Variants in CSMD1 observed in about 807,000 individuals in gnomAD.
The protein encoded by CSMD1 is CUB and sushi domain-containing protein 1.
CSMD1 carries 213 observed loss-of-function variants against 417.5 expected under a neutral mutation model. The observed-to-expected ratio is 0.51, with a 90% CI of 0.46 to 0.57. The LOEUF is 0.57. Ranked by LOEUF, CSMD1 falls within the 20% of genes least tolerant of loss-of-function variation. CSMD1 has a pLI of 0.00. For missense variants in CSMD1, 6,923 were observed against 4,529.7 expected (o/e 1.53, Z -15.17); for synonymous variants, 2,862 against 1,736.8 (o/e 1.65, Z -16.11).
intron 1 of CSMD1, among the ~76,000 whole-genome samples, chr8:4,902,785 C>T (rs1048135565): frequency 6.6e-6 from 1 of 151,990 alleles, no homozygotes; most frequent in African/African-American, 2.4e-5. Flanking sequence ...AGGCAGTAAA[C>T]ACAGTTACCA....
chr8:3,179,960 T>C (rs1195277246), intron 37 of CSMD1, among the ~76,000 whole-genome samples: 1 of 152,220 alleles, frequency 6.6e-6, no homozygotes. Flanking sequence ...TTAGAATATT[T>C]ATCATCAGCT....
chr8:3,990,628 G>C (rs77643445), intron 5 of CSMD1, among the ~76,000 whole-genome samples: 8,464 of 152,136 alleles, frequency 0.056, 377 homozygotes, highest in Admixed American at 0.11. Flanking sequence ...TGAAACTCTG[G>C]TATTTACTTA....
chr8:3,947,727 G>A (rs1811330779), intron 5 of CSMD1, among the ~76,000 whole-genome samples: 1 of 151,936 alleles, frequency 6.6e-6, no homozygotes, highest in Non-Finnish European at 1.5e-5. Flanking sequence ...TTTTTTAACG[G>A]CACAGAATAT....
chr8:3,285,701 G>A (rs993267131), intron 25 of CSMD1, among the ~76,000 whole-genome samples: 2 of 151,772 alleles, frequency 1.3e-5, no homozygotes, highest in Non-Finnish European at 2.9e-5. Context: ...GCCCAGACCA[G>A]AACTTTTTAT....
intron 2 of CSMD1, among the ~76,000 whole-genome samples, chr8:4,632,359 A>G (rs935622329): frequency 1.0e-4 from 15 of 150,492 alleles, no homozygotes; most frequent in Non-Finnish European, 2.1e-4. Context: ...CTAAAAATAA[A>G]AAAATTAGCC....
chr8:3,875,815 G>T (rs1292395850), intron 5 of CSMD1, among the ~76,000 whole-genome samples: 44 of 152,286 alleles, frequency 2.9e-4, no homozygotes, highest in Non-Finnish European at 4.4e-5. Context: ...ACAGCTGAGA[G>T]CTTGAGGGAA....
At chr8:3,712,442 CAG>C (rs59274858) in intron 6 of CSMD1, among the ~76,000 whole-genome samples, 2 of 79,906 alleles carry the variant, frequency 2.5e-5, no homozygotes, top group African/African-American at 7.1e-5. Flanking sequence ...GACAGACAGA[CAG>C]AGAGAGAGAG....
intron 3 of CSMD1, among the ~76,000 whole-genome samples, chr8:4,303,843 G>C (rs191766960): frequency 1.7e-3 from 257 of 152,096 alleles, no homozygotes; most frequent in Middle Eastern, 3.4e-3. Context: ...TTTTAGTAGA[G>C]ACAGGGTTTC....
chr8:4,811,512 A>T (rs1209528790), intron 1 of CSMD1, among the ~76,000 whole-genome samples: 2 of 152,164 alleles, frequency 1.3e-5, no homozygotes, highest in Non-Finnish European at 2.9e-5. Flanking sequence ...GTGGCAATGT[A>T]TTGCTGCCAT....
intron 3 of CSMD1, among the ~76,000 whole-genome samples, chr8:4,334,280 T>A (rs1010513407): frequency 4.6e-5 from 7 of 152,108 alleles, no homozygotes; most frequent in African/African-American, 1.7e-4. Flanking sequence ...CTTACACGTG[T>A]TTGGTCAAAC....
intron 50 of CSMD1, among the ~76,000 whole-genome samples, chr8:3,049,346 C>G (rs11986000): frequency 0.3 from 45,360 of 151,960 alleles, 6,953 homozygotes; most frequent in East Asian, 0.36. Flanking sequence ...GTTGTCTGTA[C>G]GTAAACGGGT....
chr8:4,340,564 C>G (rs1242936499), intron 3 of CSMD1, among the ~76,000 whole-genome samples: 1 of 152,074 alleles, frequency 6.6e-6, no homozygotes, highest in Non-Finnish European at 1.5e-5. Context: ...AAGGGCAATT[C>G]AGGGACAAAA....
At chr8:4,533,669 A>C (rs1467452296) in intron 2 of CSMD1, among the ~76,000 whole-genome samples, 3 of 152,176 alleles carry the variant, frequency 2.0e-5, no homozygotes, top group African/African-American at 7.2e-5. Flanking sequence ...TGCAAACTGA[A>C]GATTTTTAAA....
chr8:4,793,572 T>C (rs1337195790), intron 1 of CSMD1, among the ~76,000 whole-genome samples: 2 of 151,978 alleles, frequency 1.3e-5, no homozygotes, highest in African/African-American at 2.4e-5. Context: ...CATTTACTGA[T>C]ACAAACTTTT....
At chr8:3,904,056 C>T (rs1341033041) in intron 5 of CSMD1, among the ~76,000 whole-genome samples, 1 of 152,098 alleles carries the variant, frequency 6.6e-6, no homozygotes, top group Non-Finnish European at 1.5e-5. Flanking sequence ...CCCTGATTTC[C>T]TGCAGGTGTG....
rs900002932 is a variant in CSMD1 at position 3,918,863 on chromosome 8, T to C, written c.818+79040A>G. Reference sequence around the variant, plus strand: ...GATAATTAGAATGACACAATGGACTTTGGGGACTTGTGGGGAAAGAATAGG... The same window carrying C: ...GATAATTAGAATGACACAATGGACTCTGGGGACTTGTGGGGAAAGAATAGG... On this transcript the variant is annotated intron_variant, in intron 5 of 69. Transcript: ENST00000635120. 2.0e-5 allele frequency among the ~76,000 whole-genome samples: 3 copies of C among 151,970 alleles called. No homozygotes were observed. In the South Asian group the frequency reaches 6.2e-4, roughly 32 times the overall value.
intron 2 of CSMD1, among the ~76,000 whole-genome samples, chr8:4,509,774 T>A (rs777827303): frequency 6.6e-6 from 1 of 152,148 alleles, no homozygotes; most frequent in Non-Finnish European, 1.5e-5. Context: ...ACACTAAATA[T>A]CATATTATCA....
chr8:4,631,810 T>G (rs979647186), intron 2 of CSMD1, among the ~76,000 whole-genome samples: 3 of 152,344 alleles, frequency 2.0e-5, no homozygotes, highest in Admixed American at 1.3e-4. Context: ...GGTAATCTTG[T>G]TAAAGTTAGA....
intron 10 of CSMD1, among the ~76,000 whole-genome samples, chr8:3,530,799 T>C (rs921595976): frequency 1.3e-5 from 2 of 151,122 alleles, no homozygotes; most frequent in African/African-American, 4.9e-5. Context: ...AAAGTGCTAC[T>C]ATTACAGGCA....
Sources: allele counts gnomAD v4.1 joint callset (sites outside exome capture counted in the v4.1 genomes callset), GRCh38; gene constraint gnomAD v4.1.1; transcripts MANE v1.5; gene names NCBI Gene and HGNC (gene_info 2026-07-23, HGNC 2026-07-21).